Variants in DMD observed in about 807,000 individuals in gnomAD.
DMD encodes mutant dystrophin.
Under a neutral mutation model 330.1 loss-of-function variants are expected in DMD, and 63 were observed. The observed-to-expected ratio is 0.19, with a 90% CI of 0.16 to 0.24. DMD has a LOEUF of 0.24. Among genes scored for constraint, DMD ranks in the 10% least tolerant of loss-of-function variants. The pLI, the probability that DMD is intolerant of heterozygous loss-of-function variation, is 1.00. For missense variants in DMD, 3,344 were observed against 2,684.1 expected (o/e 1.25, Z -5.43); for synonymous variants, 1,223 against 959.8 (o/e 1.27, Z -5.07).
intron 9 of DMD, among the ~76,000 whole-genome samples, chrX:32,696,948 T>C (rs1323655590): frequency 1.8e-5 from 2 of 111,322 alleles, no homozygotes; most frequent in Non-Finnish European, 3.8e-5. Context: ...AATAAATTAC[T>C]AATTAAATGC....
chrX:32,537,076 G>A (rs1430841192), intron 17 of DMD, among the ~76,000 whole-genome samples: 1 of 111,764 alleles, frequency 8.9e-6, no homozygotes, highest in Non-Finnish European at 1.9e-5. Flanking sequence ...TAGTGATGTG[G>A]CAGATATCAA....
chrX:33,055,377 G>C (rs2094504922), intron 1 of DMD, among the ~76,000 whole-genome samples: 1 of 111,818 alleles, frequency 8.9e-6, no homozygotes, highest in Admixed American at 9.5e-5. Context: ...AATGAGCATA[G>C]AAATTGTTAA....
At chrX:31,700,105 G>C (rs2083709100) in intron 52 of DMD, among the ~76,000 whole-genome samples, 1 of 108,817 alleles carries the variant, frequency 9.2e-6, no homozygotes, top group Non-Finnish European at 1.9e-5. Context: ...AGAATCGCTT[G>C]AACCCGGGCG....
At chrX:31,404,804 C>T (rs143668290) in intron 60 of DMD, among the ~76,000 whole-genome samples, 1,361 of 111,798 alleles carry the variant, frequency 0.012, 16 homozygotes, top group Non-Finnish European at 0.018. Context: ...GAATGATCTT[C>T]AGATGAAAAG....
rs1346053516 is a variant in DMD at position 32,952,577 on chromosome X, C to T, written c.93+67562G>A. On this transcript the variant is annotated intron_variant, in intron 2 of 78. Transcript: ENST00000357033. ...GTGGAATATCTGTCACAACTCATAA[C>T]ATATTTCCTACTGCTTCATGTTCCA... 7.2e-5 allele frequency among the ~76,000 whole-genome samples: 8 copies of T among 111,653 alleles called. No individual in the cohort carries two copies. The South Asian group carries it at 1.5e-3, about 21-fold the overall frequency.
chrX:33,063,796 C>T, intron 1 of DMD, among the ~76,000 whole-genome samples: 1 of 110,608 alleles, frequency 9.0e-6, no homozygotes, highest in Non-Finnish European at 1.9e-5. Flanking sequence ...GGGGCTTGGG[C>T]ATATGGTTGA....
intron 55 of DMD, among the ~76,000 whole-genome samples, chrX:31,625,376 A>G: frequency 9.0e-6 from 1 of 111,667 alleles, no homozygotes; most frequent in Non-Finnish European, 1.9e-5. Flanking sequence ...CCCCTGCCTT[A>G]TTCCCAAGCT....
chrX:33,080,974 T>TCACACACACACACA (rs763162216), intron 1 of DMD, among the ~76,000 whole-genome samples: 3,382 of 92,622 alleles, frequency 0.037, 71 homozygotes, highest in Non-Finnish European at 0.057. Flanking sequence ...TTTATAAACA[T>TCACACACACACACA]CACACACACA....
At chrX:31,803,736 G>A (rs1196478924) in intron 50 of DMD, among the ~76,000 whole-genome samples, 1 of 103,006 alleles carries the variant, frequency 9.7e-6, no homozygotes, top group East Asian at 3.1e-4. Context: ...TTTCACTCTT[G>A]TTGCCCAGGC....
intron 7 of DMD, among the ~76,000 whole-genome samples, chrX:32,753,132 G>A (rs995751658): frequency 9.0e-6 from 1 of 110,814 alleles, no homozygotes; most frequent in Admixed American, 9.6e-5. Flanking sequence ...CTAGTACCCA[G>A]ACTTCCATCT....
Position 32,390,188 on chromosome X carries a change from G to A in DMD, c.4234-7C>T. ...TCAAATCAGATTGGATTTTCTGTTG[G>A]GAGGATAGCATTATTAGTCAGCATG... On this transcript the variant is annotated splice_region_variant and splice_polypyrimidine_tract_variant and intron_variant, in intron 30 of 78. Transcript: ENST00000357033. 8.7e-7 allele frequency: 1 copy of A among 1,149,974 alleles called. No individual in the cohort carries two copies. The highest frequency in any genetic ancestry group is 1.8e-5 in the South Asian group (1 of 55,458). The allele number at this position is 1,149,974 out of a possible 1,213,427, so 94.8% of individuals were successfully genotyped here.
At chrX:32,754,143 C>T (rs1355550434) in intron 7 of DMD, among the ~76,000 whole-genome samples, 1 of 109,858 alleles carries the variant, frequency 9.1e-6, no homozygotes, top group African/African-American at 3.4e-5. Context: ...TTGCTGGTCA[C>T]TTAATATCTA....
chrX:32,409,638 C>G (rs1175256231), intron 30 of DMD, among the ~76,000 whole-genome samples: 3 of 111,655 alleles, frequency 2.7e-5, no homozygotes, highest in Non-Finnish European at 5.7e-5. Context: ...TTTCATTCCG[C>G]AAGTCTGTCA....
At chrX:31,852,579 C>G (rs955877647) in intron 48 of DMD, among the ~76,000 whole-genome samples, 1 of 111,122 alleles carries the variant, frequency 9.0e-6, no homozygotes, top group Non-Finnish European at 1.9e-5. Flanking sequence ...CAAAAACTGA[C>G]TGAAATTTTT....
intron 1 of DMD, among the ~76,000 whole-genome samples, chrX:33,116,722 C>A (rs185776530): frequency 9.0e-6 from 1 of 111,108 alleles, no homozygotes; most frequent in Admixed American, 9.7e-5. Flanking sequence ...GTAACTAGGA[C>A]TTGAATTGAA....
In DMD at chrX:31,723,858, T is replaced by C. The variant is rs76893880; in HGVS notation, c.7660+5773A>G. On this transcript the variant is annotated intron_variant, in intron 52 of 78. Coordinates refer to ENST00000357033, the MANE Select transcript of DMD (RefSeq NM_004006.3). ...AAGCCCTCATTTAAAACTCCTCCTCTAGTTTTCTCTCAACATTTTGTAATA... is the reference window on the plus strand; with the variant it reads ...AAGCCCTCATTTAAAACTCCTCCTCCAGTTTTCTCTCAACATTTTGTAATA... Among the ~76,000 whole-genome samples the C allele has an allele frequency of 8.3e-3, 923 of 111,775 alleles. 16 individuals carry two copies. In the East Asian group the frequency reaches 0.11, roughly 13 times the overall value.
At chrX:31,214,942 T>TTC (rs1556299366) in intron 64 of DMD, among the ~76,000 whole-genome samples, 2 of 55,738 alleles carry the variant, frequency 3.6e-5, no homozygotes, top group Non-Finnish European at 6.6e-5. Flanking sequence ...TTTTTCTTTT[T>TTC]TTTTTTTTTT....
At chrX:32,571,527 C>T (rs12863677) in intron 15 of DMD, among the ~76,000 whole-genome samples, 46,027 of 110,347 alleles carry the variant, frequency 0.42, 8,326 homozygotes, top group Non-Finnish European at 0.57. Flanking sequence ...GAAATCTATT[C>T]GTTTCACTTA....
intron 3 of DMD, 124 bp from the exon 4 acceptor site, chrX:32,844,984 TTAATA>T: frequency 3.4e-6 from 2 of 589,088 alleles, no homozygotes; most frequent in South Asian, 4.8e-5. Context: ...CTGTGAGGCA[TTAATA>T]TAATGAATCT....
Sources: gnomAD v4.1 joint callset for allele counts (sites outside exome capture counted in the v4.1 genomes callset) on GRCh38, gnomAD v4.1.1 for gene constraint, MANE v1.5 for transcripts, NCBI Gene and HGNC (gene_info 2026-07-23, HGNC 2026-07-21) for gene names.